Variants in FAM98A observed in about 807,000 individuals in gnomAD.
FAM98A encodes protein FAM98A.
Under a neutral mutation model 62.9 loss-of-function variants are expected in FAM98A, and 25 were observed. The observed-to-expected ratio is 0.40, with a 90% CI of 0.29 to 0.56. The LOEUF is 0.56. Among genes scored for constraint, FAM98A ranks in the 20% least tolerant of loss-of-function variants. The pLI, the probability that FAM98A is intolerant of heterozygous loss-of-function variation, is 0.51. For missense variants in FAM98A, 653 were observed against 640.7 expected (o/e 1.02, Z -0.21); for synonymous variants, 252 against 228.6 (o/e 1.10, Z -0.92).
At chr2:33,595,694 A>T in intron 1 of FAM98A, 57 bp from the exon 2 acceptor site, 1 of 1,280,656 alleles carries the variant, frequency 7.8e-7, no homozygotes, top group Non-Finnish European at 1.1e-6. Flanking sequence ...AATATATTAC[A>T]GATAAAACAT....
chr2:33,586,397 A>G (rs775610694), intron 6 of FAM98A, among the ~76,000 whole-genome samples, 165 bp downstream of exon 6: 51 of 152,226 alleles, frequency 3.4e-4, no homozygotes, highest in Non-Finnish European at 5.0e-4. Flanking sequence ...TGTTTTCATC[A>G]TTGCTGAATA....
intron 2 of FAM98A, among the ~76,000 whole-genome samples, chr2:33,593,370 C>T (rs1259107592): frequency 6.6e-6 from 1 of 152,232 alleles, no homozygotes; most frequent in Non-Finnish European, 1.5e-5. Flanking sequence ...CGCCACTGCA[C>T]TTCAGCCTGG....
chr2:33,594,680 CACACAT>C (rs1677760716), intron 2 of FAM98A, among the ~76,000 whole-genome samples: 3 of 42,842 alleles, frequency 7.0e-5, no homozygotes, highest in Admixed American at 5.7e-4. Flanking sequence ...TATATATATA[CACACAT>C]ATATATACAC....
chr2:33,595,673 C>T, intron 1 of FAM98A, 36 bp from the exon 2 acceptor site: 3 of 1,514,516 alleles, frequency 2.0e-6, no homozygotes, highest in Middle Eastern at 1.7e-4. Flanking sequence ...GAAGAAAATA[C>T]AATCATACCT....
rs749652643 is a variant in FAM98A, at chr2:33,585,272, T to A, written c.1061A>T (p.His354Leu). 45 of 1,613,946 alleles carry A rather than the reference T, an allele frequency of 2.8e-5. No individual in the cohort carries two copies. Among genetic ancestry groups the A allele is most frequent in the Non-Finnish European group, 3.6e-5 (42 of 1,180,018 alleles). Residue 354 changes from histidine to leucine, a missense_variant, in exon 8 of 8, where the codon CAT becomes CTT. Coordinates refer to ENST00000238823, the MANE Select transcript of FAM98A (RefSeq NM_015475.5). The stretch of plus-strand genomic sequence containing the variant: ...TCCACCTCTCCCGCCTCCTTGTTCA[T>A]GACCTCCTCGTCCTCCGTATGAGGA... ...EHSSYGGRGG[H>L]EQGGGRGGRG... is the part of the protein sequence containing the mutation.
chr2:33,595,930 T>C (rs1238372371), intron 1 of FAM98A, among the ~76,000 whole-genome samples: 1 of 152,194 alleles, frequency 6.6e-6, no homozygotes, highest in Non-Finnish European at 1.5e-5. Flanking sequence ...AAAGCTTCCA[T>C]TGTAAAAAGA....
At chr2:33,595,204 T>C (rs1215846679) in intron 2 of FAM98A, among the ~76,000 whole-genome samples, 1 of 152,194 alleles carries the variant, frequency 6.6e-6, no homozygotes, top group Non-Finnish European at 1.5e-5. Flanking sequence ...TCTTACAAAA[T>C]ATAGGAAGTT....
At position 33,599,291 on chromosome 2, in the gene FAM98A, T is replaced by A; in HGVS notation, c.-70A>T. ...CGCCGGCAACGCGTACACTCGCGCA[T>A]GCGCGACTTCCCCGGAACTTCCAAA... is the stretch of plus-strand genomic sequence containing the variant. On this transcript the variant is annotated 5_prime_UTR_variant, in exon 1 of 8. The change abolishes an upstream ATG in the 5' untranslated region. Coordinates refer to ENST00000238823, the MANE Select transcript of FAM98A (RefSeq NM_015475.5). The A allele has an allele frequency of 7.7e-7, 1 of 1,303,664 alleles. No homozygotes were observed. The highest frequency in any genetic ancestry group is 1.8e-4 in the Middle Eastern group (1 of 5,484). The allele number at this position is 1,303,664 out of a possible 1,614,324, so 80.8% of individuals were successfully genotyped here. A position where few individuals can be genotyped will look rare whatever the true frequency, so the allele number is the denominator to read the frequency against.
At chr2:33,589,935 T>A (rs1677635182) in intron 3 of FAM98A, 1 of 152,186 alleles carries the variant, frequency 6.6e-6, no homozygotes, top group African/African-American at 2.4e-5. Flanking sequence ...TAGAAAATCA[T>A]ATACTATATG....
intron 1 of FAM98A, among the ~76,000 whole-genome samples, chr2:33,598,740 G>A (rs1677877192): frequency 6.6e-6 from 1 of 152,130 alleles, no homozygotes; most frequent in Non-Finnish European, 1.5e-5. Flanking sequence ...GTGGGGTGGG[G>A]TAGGAGGAGG....
Position 33,594,668 on chromosome 2 carries a change from CATATAT to C in FAM98A, c.202+815_202+820del, listed in dbSNP as rs1162460699. Among the ~76,000 whole-genome samples, 2 of 114,038 alleles carry C rather than the reference CATATAT, an allele frequency of 1.8e-5. 1 individual carries two copies. The highest frequency in any genetic ancestry group is 9.7e-5 in the African/African-American group (2 of 20,594). The allele number at this position is 114,038 out of a possible 152,430, so 74.8% of individuals were successfully genotyped here. A position where few individuals can be genotyped will look rare whatever the true frequency, so the allele number is the denominator to read the frequency against. On this transcript the variant is annotated intron_variant, in intron 2 of 7. Transcript: ENST00000238823. The stretch of plus-strand genomic sequence containing the variant: ...ATATATATACACACATATATATACA[CATATAT>C]ATATACACACATATATATACACATA...
chr2:33,593,674 T>C (rs1179727651), intron 2 of FAM98A, among the ~76,000 whole-genome samples: 2 of 152,306 alleles, frequency 1.3e-5, no homozygotes, highest in East Asian at 1.9e-4. Flanking sequence ...CATTTTCTAA[T>C]CTGTAATACA....
chr2:33,589,290 A>G (rs2151144559), intron 3 of FAM98A: 1 of 152,318 alleles, frequency 6.6e-6, no homozygotes, highest in East Asian at 1.9e-4. Flanking sequence ...AATCTGTTTC[A>G]GGTAATTCAG....
chr2:33,593,666 T>A (rs1005550773), intron 2 of FAM98A, among the ~76,000 whole-genome samples: 5 of 152,224 alleles, frequency 3.3e-5, no homozygotes, highest in Non-Finnish European at 1.5e-5. Flanking sequence ...CCTGAGTCCA[T>A]TTTCTAATCT....
In FAM98A at chr2:33,592,223, A is replaced by G; in HGVS notation, c.203-9T>C. ...TTCAGCTTCACTCGGACCTTTTAAG[A>G]ATTAAAATAATCTTATTTAATGATA... On this transcript the variant is annotated splice_polypyrimidine_tract_variant and intron_variant, in intron 2 of 7. Transcript: ENST00000238823. The G allele has an allele frequency of 6.3e-7, 1 of 1,592,698 alleles. No homozygotes were observed. Among genetic ancestry groups the G allele is most frequent in the Non-Finnish European group, 8.6e-7 (1 of 1,165,986 alleles).
intron 1 of FAM98A, 116 bp downstream of exon 1, chr2:33,599,053 G>A (rs1677892063): frequency 3.5e-6 from 3 of 861,278 alleles, no homozygotes; most frequent in Admixed American, 3.5e-5. Flanking sequence ...GGAAGCGACA[G>A]CCAGGAGCCA....
Position 33,585,178 on chromosome 2 carries a change from A to G in FAM98A, c.1155T>C (p.Asp385=). ...AGCCACCTCCTCCACCACTCCCTCC[A>G]TCTGTCCAGCCTCCTTGATGCTTAT... ...RGNKHQGGWT[D]GGSGGGGGYQ... The change falls in exon 8 of 8, where the codon GAT becomes GAC. Residue 385 remains aspartate, a synonymous_variant. Transcript: ENST00000238823. 1 of 1,613,246 alleles carries G rather than the reference A, an allele frequency of 6.2e-7. No individual in the cohort carries two copies. The highest frequency in any genetic ancestry group is 1.1e-5 in the South Asian group (1 of 90,990).
intron 3 of FAM98A, chr2:33,591,825 T>C (rs1160625783): frequency 3.9e-5 from 12 of 304,626 alleles, no homozygotes; most frequent in Non-Finnish European, 4.9e-5. Flanking sequence ...AGTGATCACA[T>C]TAGGAGAAGC....
intron 2 of FAM98A, among the ~76,000 whole-genome samples, chr2:33,593,152 C>G (rs1442619451): frequency 1.3e-5 from 2 of 152,178 alleles, no homozygotes; most frequent in African/African-American, 2.4e-5. Context: ...GCCTGTAATT[C>G]CAGCACTTTG....
Sources: allele counts gnomAD v4.1 joint callset (sites outside exome capture counted in the v4.1 genomes callset), GRCh38; gene constraint gnomAD v4.1.1; transcripts MANE v1.5; gene names NCBI Gene and HGNC (gene_info 2026-07-23, HGNC 2026-07-21).